ZC3H13: variants seen among roughly 807,000 people sequenced by gnomAD.
ZC3H13 encodes zinc finger CCCH domain-containing protein 13.
ZC3H13 carries 64 observed loss-of-function variants against 204.1 expected under a neutral mutation model. The ratio of observed to expected loss-of-function variants is 0.31; its 90% CI spans 0.26 to 0.39. The LOEUF (loss-of-function observed/expected upper bound fraction) is 0.39. Among genes scored for constraint, ZC3H13 ranks in the 10% least tolerant of loss-of-function variants. The pLI, the probability that ZC3H13 is intolerant of heterozygous loss-of-function variation, is 1.00. For synonymous variants in ZC3H13, 667 were observed against 693.7 expected (o/e 0.96, Z 0.60); for missense variants, 1,833 against 2,082.7 (o/e 0.88, Z 2.33).
chr13:46,011,578 G>A (rs370000010), intron 5 of ZC3H13, 24 bp from the exon 6 acceptor site: 8 of 1,521,808 alleles, frequency 5.3e-6, no homozygotes, highest in Non-Finnish European at 6.2e-6. Flanking sequence ...TTGCATTACT[G>A]TTAGAAACTA....
At position 45,975,393 on chromosome 13, in the gene ZC3H13, G is replaced by C; in HGVS notation, c.2358C>G (p.Arg786=). The C allele has an allele frequency of 1.2e-6, 2 of 1,613,546 alleles. No individual in the cohort carries two copies. ...TGTCTTTGTCTTCCCAATCCCTTTG[G>C]CGTTCTCGTTCTTTATCCCTTTCTC... ...RARERDKERE[R]QRDWEDKDKG... is the part of the protein sequence containing the mutation. Residue 786 remains arginine, a synonymous_variant, in exon 12 of 19, where the codon CGC becomes CGG. Coordinates refer to ENST00000679008, the MANE Select transcript of ZC3H13 (RefSeq NM_001330564.2).
At chr13:46,052,324 G>GC in intron 1 of ZC3H13, 80 bp downstream of exon 1, 1 of 390,424 alleles carries the variant, frequency 2.6e-6, no homozygotes. Context: ...CAAAGACGGG[G>GC]GGGGGTAACC....
chr13:46,005,273 A>G (rs935022499), intron 7 of ZC3H13, among the ~76,000 whole-genome samples: 5 of 152,104 alleles, frequency 3.3e-5, no homozygotes, highest in East Asian at 1.9e-4. Flanking sequence ...TTCTATTTTC[A>G]TTTCAAAACT....
intron 1 of ZC3H13, among the ~76,000 whole-genome samples, chr13:46,049,682 C>G (rs1163369488): frequency 6.6e-6 from 1 of 152,012 alleles, no homozygotes; most frequent in African/African-American, 2.4e-5. Flanking sequence ...CTATTTAAAA[C>G]TTTGGGCCCG....
intron 8 of ZC3H13, 51 bp from the exon 9 acceptor site, chr13:45,989,148 T>A: frequency 6.6e-6 from 10 of 1,524,540 alleles, no homozygotes; most frequent in Non-Finnish European, 8.9e-6. Context: ...GCTTCATTTC[T>A]AGCCAAAGGA....
At chr13:46,036,202 C>T (rs999729177) in intron 4 of ZC3H13, among the ~76,000 whole-genome samples, 1 of 150,108 alleles carries the variant, frequency 6.7e-6, no homozygotes, top group African/African-American at 2.4e-5. Flanking sequence ...AGTAAGAGAA[C>T]TGAGGAGGCA....
intron 7 of ZC3H13, among the ~76,000 whole-genome samples, chr13:46,005,397 G>A (rs1426803490): frequency 6.6e-6 from 1 of 152,050 alleles, no homozygotes; most frequent in African/African-American, 2.4e-5. Context: ...GCTTTTCCAG[G>A]ATCTTAAATC....
At chr13:46,010,526 T>C (rs1302074996) in intron 6 of ZC3H13, 21 bp from the exon 7 acceptor site, 2 of 1,596,954 alleles carry the variant, frequency 1.3e-6, no homozygotes, top group African/African-American at 2.7e-5. Context: ...ATTCAGTAAG[T>C]CAATTCAGAA....
In ZC3H13 at chr13:45,969,264, G is replaced by A. The variant is rs1003252731; in HGVS notation, c.3280C>T (p.Pro1094Ser). 2.4e-5 allele frequency: 39 copies of A among 1,613,804 alleles called. No homozygotes were observed. Among genetic ancestry groups the A allele is most frequent in the Non-Finnish European group, 3.2e-5 (38 of 1,180,014 alleles). The change falls in exon 14 of 19, where the codon CCT (proline) becomes TCT (serine). Residue 1094 changes from proline (P) to serine (S), a missense_variant. Physicochemically the swap from Pro to Ser is moderately conservative, Grantham distance 74. Around this residue, in one of 5 missense-constraint regions of ZC3H13, gnomAD observed 1,574 missense variants for 1,757.2 expected, o/e 0.90. Transcript: ENST00000679008. ...TATATTPGST[P>S]SPLSSLLPPP... Reference sequence around the variant, plus strand: ...GGAAGAAGAGAAGATAGAGGAGAAGGGGTACTACCAGGAGTCGTGGCGGTG... The same window carrying A: ...GGAAGAAGAGAAGATAGAGGAGAAGAGGTACTACCAGGAGTCGTGGCGGTG...
At chr13:45,970,739 T>C (rs918677240) in intron 12 of ZC3H13, among the ~76,000 whole-genome samples, 10 of 152,186 alleles carry the variant, frequency 6.6e-5, no homozygotes, top group African/African-American at 2.4e-4. Flanking sequence ...ATTTAAATAC[T>C]GTAAGGTGGT....
At chr13:45,959,842 T>TA (rs1388123612) in intron 17 of ZC3H13, among the ~76,000 whole-genome samples, 196 bp from the exon 18 acceptor site, 1 of 152,138 alleles carries the variant, frequency 6.6e-6, no homozygotes, top group African/African-American at 2.4e-5. Flanking sequence ...CAAACAAGAA[T>TA]AAATATTCTG....
intron 8 of ZC3H13, among the ~76,000 whole-genome samples, chr13:46,002,427 A>G (rs537518315): frequency 2.0e-5 from 3 of 152,314 alleles, no homozygotes; most frequent in Non-Finnish European, 2.9e-5. Context: ...TATATATACA[A>G]AAGAACTGAA....
At chr13:45,983,869 G>A (rs1953934384) in intron 10 of ZC3H13, among the ~76,000 whole-genome samples, 1 of 152,126 alleles carries the variant, frequency 6.6e-6, no homozygotes, top group Non-Finnish European at 1.5e-5. Flanking sequence ...AGAAAATACA[G>A]CAACATCATT....
chr13:45,994,526 C>T (rs927927537), intron 8 of ZC3H13, among the ~76,000 whole-genome samples: 2 of 152,114 alleles, frequency 1.3e-5, no homozygotes, highest in African/African-American at 4.8e-5. Flanking sequence ...AGGTAAGAGC[C>T]TTACATAGAC....
chr13:46,010,994 CAT>C (rs1439707928), intron 6 of ZC3H13, among the ~76,000 whole-genome samples: 5 of 152,192 alleles, frequency 3.3e-5, no homozygotes, highest in Non-Finnish European at 7.3e-5. Flanking sequence ...ACTGTCCTAA[CAT>C]ATACCAGTTT....
chr13:45,994,607 A>C (rs2040201086), intron 8 of ZC3H13, among the ~76,000 whole-genome samples: 1 of 152,240 alleles, frequency 6.6e-6, no homozygotes, highest in African/African-American at 2.4e-5. Flanking sequence ...AAAGACAAAT[A>C]GCTGGTATTC....
At chr13:45,991,869 T>C (rs2039995065) in intron 8 of ZC3H13, among the ~76,000 whole-genome samples, 1 of 152,144 alleles carries the variant, frequency 6.6e-6, no homozygotes, top group Admixed American at 6.5e-5. Flanking sequence ...ATATTCAGGG[T>C]ATATTTCATT....
At chr13:45,964,154 T>TAA (rs1366762105) in intron 16 of ZC3H13, 112 bp from the exon 17 acceptor site, 1 of 964,158 alleles carries the variant, frequency 1.0e-6, no homozygotes, top group African/African-American at 1.7e-5. Flanking sequence ...AAAAGTACTT[T>TAA]AAACCAAAAA....
At position 45,963,814 on chromosome 13, in the gene ZC3H13, TTA is replaced by T. The variant is rs759972474; in HGVS notation, c.4675+26_4675+27del. 11 of 1,613,204 alleles carry T rather than the reference TTA, an allele frequency of 6.8e-6. No homozygotes were observed. The South Asian group carries it at 1.2e-4, about 18-fold the overall frequency. On this transcript the variant is annotated intron_variant, in intron 17 of 18. Coordinates refer to ENST00000679008, the MANE Select transcript of ZC3H13 (RefSeq NM_001330564.2). ...TGGCATCTTAAATGGTTAACAGACA[TTA>T]TATAGTTAAAGTAAAATGAAACTAC...
Sources: allele counts gnomAD v4.1 joint callset (sites outside exome capture counted in the v4.1 genomes callset), GRCh38; gene constraint gnomAD v4.1.1; regional missense constraint gnomAD v4.1.1; transcripts MANE v1.5; gene names NCBI Gene and HGNC (gene_info 2026-07-23, HGNC 2026-07-21).